Variants in ADGRB3 observed in about 807,000 individuals in gnomAD.
ADGRB3 encodes the protein brain-specific angiogenesis inhibitor 3.
A neutral mutation model predicts 193.4 loss-of-function variants in ADGRB3; 37 were observed. The ratio of observed to expected loss-of-function variants is 0.19; its 90% CI spans 0.15 to 0.25. ADGRB3 has a LOEUF of 0.25. ADGRB3 is among the 10% of genes least tolerant of loss of function. ADGRB3 has a pLI of 1.00. For missense variants in ADGRB3, 1,637 were observed against 1,852.9 expected, an observed-to-expected ratio of 0.88 and a Z score of 2.14; for synonymous variants, 690 against 644.2, an observed-to-expected ratio of 1.07 and a Z score of -1.08.
At chr6:68,810,417 A>T (rs1341306920) in intron 3 of ADGRB3, among the ~76,000 whole-genome samples, 1 of 152,148 alleles carries the variant, frequency 6.6e-6, no homozygotes, top group African/African-American at 2.4e-5. Flanking sequence ...CCTACCACAA[A>T]GTAGGTGCTT....
At chr6:68,933,582 G>A (rs1767406484) in intron 4 of ADGRB3, among the ~76,000 whole-genome samples, 1 of 152,168 alleles carries the variant, frequency 6.6e-6, no homozygotes, top group South Asian at 2.1e-4. Flanking sequence ...TATAGAGTGA[G>A]ACTTCGTCTC....
chr6:69,096,303 A>T (rs1357619196), intron 17 of ADGRB3, among the ~76,000 whole-genome samples: 1 of 151,194 alleles, frequency 6.6e-6, no homozygotes, highest in Non-Finnish European at 1.5e-5. Context: ...AGCTACGTGG[A>T]CTTGCTTTAA....
At chr6:68,800,168 G>A (rs72901236) in intron 3 of ADGRB3, among the ~76,000 whole-genome samples, 2,382 of 152,222 alleles carry the variant, frequency 0.016, 27 homozygotes, top group Non-Finnish European at 0.023. Context: ...GTTAAATTCA[G>A]TATATATCTC....
chr6:69,013,237 T>C (rs767838782), intron 11 of ADGRB3, among the ~76,000 whole-genome samples: 3 of 152,096 alleles, frequency 2.0e-5, no homozygotes, highest in Non-Finnish European at 4.4e-5. Context: ...AACAGAGCCC[T>C]GCTCTCTGTC....
chr6:68,695,596 G>A (rs1253218511), intron 3 of ADGRB3, among the ~76,000 whole-genome samples: 1 of 151,988 alleles, frequency 6.6e-6, no homozygotes, highest in Non-Finnish European at 1.5e-5. Context: ...TGGATTGTGT[G>A]ACATTTCCTC....
intron 5 of ADGRB3, among the ~76,000 whole-genome samples, chr6:68,938,777 C>T (rs537078060): frequency 1.3e-5 from 2 of 152,138 alleles, no homozygotes; most frequent in African/African-American, 4.8e-5. Flanking sequence ...AAAACTGTTC[C>T]CTACTTACAG....
intron 3 of ADGRB3, among the ~76,000 whole-genome samples, chr6:68,812,936 G>C (rs978177140): frequency 1.3e-5 from 2 of 151,144 alleles, no homozygotes; most frequent in Non-Finnish European, 2.9e-5. Context: ...TTGGTTTTCT[G>C]TCTTTGTGTT....
At chr6:69,234,391 T>C (rs561603269) in intron 18 of ADGRB3, among the ~76,000 whole-genome samples, 38 of 152,138 alleles carry the variant, frequency 2.5e-4, no homozygotes, top group Non-Finnish European at 4.7e-4. Context: ...ACTGGCATTG[T>C]CATAATTATC....
chr6:68,933,552 C>T (rs1767405495), intron 4 of ADGRB3, among the ~76,000 whole-genome samples: 1 of 152,096 alleles, frequency 6.6e-6, no homozygotes, highest in South Asian at 2.1e-4. Flanking sequence ...AAGATCACAC[C>T]ATTGCACTTC....
intron 3 of ADGRB3, among the ~76,000 whole-genome samples, chr6:68,751,449 A>T (rs1459689984): frequency 6.6e-6 from 1 of 152,182 alleles, no homozygotes; most frequent in African/African-American, 2.4e-5. Flanking sequence ...TTCAGTCTTC[A>T]AGTTAAATAA....
At chr6:69,170,770 G>A (rs1354349743) in intron 17 of ADGRB3, among the ~76,000 whole-genome samples, 3 of 152,268 alleles carry the variant, frequency 2.0e-5, no homozygotes, top group Middle Eastern at 3.4e-3. Flanking sequence ...GATGGCATTG[G>A]AGCAAGAGCT....
chr6:69,365,251 G>C (rs1488347747), intron 29 of ADGRB3, among the ~76,000 whole-genome samples: 1 of 152,038 alleles, frequency 6.6e-6, no homozygotes, highest in South Asian at 2.1e-4. Context: ...AGAGAGTAGA[G>C]GTTGAGGAAA....
intron 3 of ADGRB3, among the ~76,000 whole-genome samples, chr6:68,653,487 T>G (rs1344949296): frequency 6.6e-6 from 1 of 152,062 alleles, no homozygotes; most frequent in Non-Finnish European, 1.5e-5. Flanking sequence ...TATGCACATA[T>G]TCCACATTGT....
intron 17 of ADGRB3, among the ~76,000 whole-genome samples, chr6:69,159,830 C>T (rs1329420106): frequency 6.6e-6 from 1 of 152,060 alleles, no homozygotes; most frequent in Non-Finnish European, 1.5e-5. Flanking sequence ...AGCATATATG[C>T]TTTATAAACT....
chr6:68,792,601 C>G (rs1767127937), intron 3 of ADGRB3, among the ~76,000 whole-genome samples: 1 of 152,138 alleles, frequency 6.6e-6, no homozygotes, highest in Admixed American at 6.6e-5. Flanking sequence ...AACATATTTC[C>G]TCCTTCAATC....
intron 16 of ADGRB3, among the ~76,000 whole-genome samples, chr6:69,074,379 CTT>C (rs1442315400): frequency 6.6e-6 from 1 of 152,066 alleles, no homozygotes; most frequent in African/African-American, 2.4e-5. Context: ...TCCAAAAGAG[CTT>C]CTCTGGACTT....
intron 3 of ADGRB3, among the ~76,000 whole-genome samples, chr6:68,706,402 AT>A (rs1180572108): frequency 1.3e-5 from 2 of 152,154 alleles, no homozygotes; most frequent in African/African-American, 4.8e-5. Flanking sequence ...TGAACATAGG[AT>A]TTTACTATAC....
intron 3 of ADGRB3, among the ~76,000 whole-genome samples, chr6:68,653,374 G>A (rs113678297): frequency 0.011 from 1,622 of 152,200 alleles, 20 homozygotes; most frequent in African/African-American, 0.035. Context: ...GGGAACAGTT[G>A]TGGTGTGCTA....
intron 20 of ADGRB3, among the ~76,000 whole-genome samples, chr6:69,240,389 G>A (rs1222907264): frequency 6.6e-6 from 1 of 152,026 alleles, no homozygotes; most frequent in Non-Finnish European, 1.5e-5. Flanking sequence ...TCGTGTCTTT[G>A]AGTGTTTAAT....
Sources: allele counts gnomAD v4.1 joint callset (sites outside exome capture counted in the v4.1 genomes callset), GRCh38; gene constraint gnomAD v4.1.1; transcripts MANE v1.5; gene names NCBI Gene and HGNC (gene_info 2026-07-23, HGNC 2026-07-21).